The following SGK1 variants were observed in gnomAD, a reference collection of about 807,000 sequenced individuals.
SGK1 encodes the protein serine/threonine-protein kinase Sgk1.
A neutral mutation model predicts 64.2 loss-of-function variants in SGK1; 26 were observed. That is an observed-to-expected ratio of 0.40 (90% CI 0.30 to 0.56). The LOEUF is 0.56. Ranked by LOEUF, SGK1 falls within the 20% of genes least tolerant of loss-of-function variation. SGK1 has a pLI of 0.38. For missense variants in SGK1, 519 were observed against 645.6 expected (o/e 0.80, Z 2.12); for synonymous variants, 265 against 239.7 (o/e 1.11, Z -0.98).
At chr6:134,172,370 A>C in intron 9 of SGK1, 54 bp from the exon 10 acceptor site, 2 of 1,541,294 alleles carry the variant, frequency 1.3e-6, no homozygotes, top group East Asian at 4.5e-5. Context: ...ACTTCATAAG[A>C]TATCCTCTTA....
chr6:134,191,614 C>T (rs1478752793), intron 3 of SGK1, among the ~76,000 whole-genome samples: 3 of 151,694 alleles, frequency 2.0e-5, no homozygotes, highest in South Asian at 2.1e-4. Flanking sequence ...ATTTCTTGAA[C>T]GATTATACTA....
At chr6:134,296,930 G>T in intron 1 of SGK1, 1 of 297,960 alleles carries the variant, frequency 3.4e-6, no homozygotes. Flanking sequence ...CCCTGCACAG[G>T]GGCCTCCCTC....
intron 3 of SGK1, among the ~76,000 whole-genome samples, chr6:134,178,983 TTTTA>T (rs1431451548): frequency 6.6e-5 from 10 of 152,144 alleles, no homozygotes; most frequent in Non-Finnish European, 1.3e-4. Context: ...CACTCTTCTA[TTTTA>T]TTTTTTTATT....
intron 3 of SGK1, among the ~76,000 whole-genome samples, chr6:134,197,001 G>A (rs1375198825): frequency 6.6e-6 from 1 of 152,184 alleles, no homozygotes; most frequent in Non-Finnish European, 1.5e-5. Flanking sequence ...AGGAGGCTGA[G>A]GCGGACAGAT....
intron 1 of SGK1, among the ~76,000 whole-genome samples, chr6:134,295,229 A>G (rs750721625): frequency 3.9e-5 from 6 of 152,152 alleles, no homozygotes; most frequent in Non-Finnish European, 5.9e-5. Flanking sequence ...ATGGAGTCCA[A>G]TGGATGAGGA....
At chr6:134,290,150 CAAAAA>C (rs35039086) in intron 1 of SGK1, among the ~76,000 whole-genome samples, 1 of 75,938 alleles carries the variant, frequency 1.3e-5, no homozygotes, top group African/African-American at 6.0e-5. Flanking sequence ...AGCTCCTTCT[CAAAAA>C]AAAAAAAAAA....
At chr6:134,175,121 G>A (rs1006911180) in intron 3 of SGK1, among the ~76,000 whole-genome samples, 7 of 152,116 alleles carry the variant, frequency 4.6e-5, no homozygotes, top group African/African-American at 1.7e-4. Context: ...TCCTGGGGCA[G>A]GAGAGAGAGA....
intron 3 of SGK1, among the ~76,000 whole-genome samples, chr6:134,206,902 C>T (rs79765570): frequency 6.8e-6 from 1 of 147,322 alleles, no homozygotes; most frequent in African/African-American, 2.6e-5. Context: ...AAATTAATTG[C>T]AGTGTATTCG....
At chr6:134,175,944 G>A (rs1377727613) in intron 3 of SGK1, 2 of 1,151,678 alleles carry the variant, frequency 1.7e-6, no homozygotes, top group African/African-American at 1.6e-5. Context: ...GAGGGGAGGG[G>A]GCGGAAATAA....
intron 3 of SGK1, among the ~76,000 whole-genome samples, chr6:134,200,737 C>G (rs1430076195): frequency 6.6e-6 from 1 of 152,030 alleles, no homozygotes; most frequent in Non-Finnish European, 1.5e-5. Context: ...AACCCCGTCT[C>G]TACAAGAATA....
chr6:134,218,443 T>TC (rs1776024196), intron 2 of SGK1, among the ~76,000 whole-genome samples: 1 of 148,792 alleles, frequency 6.7e-6, no homozygotes, highest in Non-Finnish European at 1.5e-5. Flanking sequence ...TTTTCTTTTT[T>TC]TTTTTTTTTT....
intron 1 of SGK1, among the ~76,000 whole-genome samples, chr6:134,266,560 A>C (rs1049339313): frequency 6.6e-6 from 1 of 152,108 alleles, no homozygotes; most frequent in East Asian, 1.9e-4. Context: ...GGTTGCAGTG[A>C]GCCTGAGATC....
intron 1 of SGK1, among the ~76,000 whole-genome samples, chr6:134,279,245 A>G (rs1406720379): frequency 6.6e-6 from 1 of 152,128 alleles, no homozygotes; most frequent in African/African-American, 2.4e-5. Context: ...TAGCCTGGCC[A>G]ACATGGTGAA....
intron 2 of SGK1, among the ~76,000 whole-genome samples, chr6:134,247,807 C>T (rs971232447): frequency 6.6e-6 from 1 of 152,126 alleles, no homozygotes; most frequent in Non-Finnish European, 1.5e-5. Context: ...ATAATTTCAG[C>T]CTGTGCATTT....
rs540137423 is a variant in SGK1, at chr6:134,248,362, A to G, written c.285+13571T>C. Among the ~76,000 whole-genome samples, 29 of 152,078 alleles carry G rather than the reference A, an allele frequency of 1.9e-4. No individual in the cohort carries two copies. The South Asian group carries it at 6.0e-3, about 32-fold the overall frequency. ...AGCTCAAACCACAGTTAACATTGAT[A>G]CAAGGTCAATAATGTCATCTTCCCA... On this transcript the variant is annotated intron_variant, in intron 2 of 13. Coordinates refer to ENST00000367858, the MANE Select transcript of SGK1 (RefSeq NM_001143676.3).
At position 134,226,693 on chromosome 6, in the gene SGK1, CA is replaced by C. The variant is rs559207535; in HGVS notation, c.286-19263del. ...TGGGTGACAGAGTGAGACCCTGTCT[CA>C]AAAAAAAAAATAAAAATAAAAATAA... On this transcript the variant is annotated intron_variant, in intron 2 of 13. Transcript: ENST00000367858. Among the ~76,000 whole-genome samples the C allele has an allele frequency of 5.1e-3, 659 of 130,106 alleles. 7 individuals carry two copies. Among genetic ancestry groups the C allele is most frequent in the African/African-American group, 0.016 (569 of 35,920 alleles). The allele number at this position is 130,106 out of a possible 152,430, so 85.4% of individuals were successfully genotyped here.
At chr6:134,203,990 G>A (rs1775726617) in intron 3 of SGK1, among the ~76,000 whole-genome samples, 1 of 151,754 alleles carries the variant, frequency 6.6e-6, no homozygotes, top group South Asian at 2.1e-4. Flanking sequence ...CTTGAACCCA[G>A]GAGGCAGAGG....
At chr6:134,227,519 G>A (rs1776203999) in intron 2 of SGK1, among the ~76,000 whole-genome samples, 1 of 152,236 alleles carries the variant, frequency 6.6e-6, no homozygotes. Context: ...ACAGAAAAGT[G>A]GAGGGCATTG....
intron 3 of SGK1, among the ~76,000 whole-genome samples, chr6:134,200,758 G>C (rs1775667333): frequency 6.6e-6 from 1 of 152,048 alleles, no homozygotes; most frequent in South Asian, 2.1e-4. Flanking sequence ...CAAGAAATTA[G>C]CTGGGTGTGG....
Sources: allele counts gnomAD v4.1 joint callset (sites outside exome capture counted in the v4.1 genomes callset), GRCh38; gene constraint gnomAD v4.1.1; transcripts MANE v1.5; gene names NCBI Gene and HGNC (gene_info 2026-07-23, HGNC 2026-07-21).